The following ACOT12 variants were observed in gnomAD, a reference collection of about 807,000 sequenced individuals.
ACOT12 encodes acetyl-coenzyme A thioesterase.
ACOT12 carries 51 observed loss-of-function variants against 67.7 expected under a neutral mutation model. That is an observed-to-expected ratio of 0.75 (90% CI 0.60 to 0.95). The LOEUF (loss-of-function observed/expected upper bound fraction) is 0.95, where lower values mean the gene tolerates loss of function less well. Among genes scored for constraint, ACOT12 ranks in the 40% least tolerant of loss-of-function variants. ACOT12 has a pLI of 0.00. For missense variants in ACOT12, 734 were observed against 708.1 expected, an observed-to-expected ratio of 1.04 and a Z score of -0.41; for synonymous variants, 251 against 244.6, an observed-to-expected ratio of 1.03 and a Z score of -0.24.
chr5:81,386,424 G>T (rs539401844), intron 1 of ACOT12, among the ~76,000 whole-genome samples: 1 of 152,150 alleles, frequency 6.6e-6, no homozygotes, highest in East Asian at 1.9e-4. Flanking sequence ...TGAAGGAGGA[G>T]TATTGAGTAG....
intron 1 of ACOT12, among the ~76,000 whole-genome samples, chr5:81,386,994 CATTTTTTTT>C (rs1487908665): frequency 5.4e-5 from 7 of 128,480 alleles, no homozygotes; most frequent in African/African-American, 1.9e-4. Context: ...GGATGAGTTC[CATTTTTTTT>C]TTTTTTTTTT....
intron 5 of ACOT12, among the ~76,000 whole-genome samples, chr5:81,350,889 C>T (rs1367861746): frequency 6.6e-6 from 1 of 152,156 alleles, no homozygotes; most frequent in Admixed American, 6.6e-5. Context: ...CTGATCCAAC[C>T]TTCTCCCTCA....
rs191098789 is a variant in ACOT12 at position 81,346,039 on chromosome 5, G to T, written c.654-35C>A. ...CAAAGGGAGGGAGAGAGAAGAAAGC[G>T]ATCACACATTCATTCATCGAACAAA... On this transcript the variant is annotated intron_variant, in intron 6 of 14. Transcript: ENST00000307624. The T allele has an allele frequency of 4.1e-5, 66 of 1,605,528 alleles. No homozygotes were observed. In the Admixed American group the frequency reaches 1.1e-3, roughly 27 times the overall value.
the ACOT12 span, among the ~76,000 whole-genome samples, chr5:81,320,517 T>C: frequency 6.6e-5 from 10 of 152,174 alleles, no homozygotes; most frequent in Admixed American, 6.5e-4. Flanking sequence ...ACTGCTTGTA[T>C]GGTCAAATTG....
intron 2 of ACOT12, among the ~76,000 whole-genome samples, chr5:81,380,435 G>A (rs995284295): frequency 3.9e-5 from 6 of 151,910 alleles, no homozygotes; most frequent in African/African-American, 1.2e-4. Flanking sequence ...GTGGTGGCAC[G>A]TGCCTGTAAT....
At chr5:81,315,794 G>C in the ACOT12 span, among the ~76,000 whole-genome samples, 1 of 152,154 alleles carries the variant, frequency 6.6e-6, no homozygotes, top group Admixed American at 6.5e-5. Flanking sequence ...GGCCACATCA[G>C]GGCTATTCTG....
At chr5:81,367,092 A>G (rs561727272) in intron 3 of ACOT12, among the ~76,000 whole-genome samples, 3 of 152,344 alleles carry the variant, frequency 2.0e-5, no homozygotes, top group African/African-American at 7.2e-5. Flanking sequence ...CCAGGCTAGA[A>G]TTCTATACCT....
chr5:81,345,928 G>T lies in ACOT12; in HGVS notation c.730C>A (p.Arg244Ser). The change falls in exon 7 of 15, where the codon CGT (arginine) becomes AGT (serine). Residue 244 changes from arginine to serine, a missense_variant. Transcript: ENST00000307624. ...TTGACAATGGCAGTGAAGACAAGACGATCTCCAACTGTAGATGGTCCCCGG... is the reference window on the plus strand; with the variant it reads ...TTGACAATGGCAGTGAAGACAAGACTATCTCCAACTGTAGATGGTCCCCGG... The part of the protein sequence containing the change: ...KFRGPSTVGD[R>S]LVFTAIVNNT... The T allele has an allele frequency of 6.2e-7, 1 of 1,613,946 alleles. No individual in the cohort carries two copies. The highest frequency in any genetic ancestry group is 1.3e-5 in the African/African-American group (1 of 75,016).
At chr5:81,318,519 C>T in the ACOT12 span, among the ~76,000 whole-genome samples, 43 of 152,224 alleles carry the variant, frequency 2.8e-4, no homozygotes, top group African/African-American at 9.6e-4. Context: ...TTTCTCTTCT[C>T]TATTTTCCCT....
the ACOT12 span, chr5:81,308,641 G>T: frequency 1.6e-5 from 26 of 1,613,838 alleles, 1 homozygote; most frequent in Non-Finnish European, 2.2e-5. Context: ...TGGGCACTGG[G>T]ATATGTTACA....
intron 4 of ACOT12, among the ~76,000 whole-genome samples, chr5:81,362,188 G>C (rs1292467062): frequency 1.4e-5 from 2 of 144,350 alleles, no homozygotes; most frequent in Admixed American, 7.0e-5. Context: ...TTTTTGAGAC[G>C]GAGTTTTGCT....
chr5:81,338,477 C>T (rs1759079524), intron 11 of ACOT12, among the ~76,000 whole-genome samples: 1 of 152,166 alleles, frequency 6.6e-6, no homozygotes, highest in South Asian at 2.1e-4. Context: ...GTGCCTGCTT[C>T]CTCTTCACCT....
chr5:81,320,904 A>C, the ACOT12 span, among the ~76,000 whole-genome samples: 1 of 152,236 alleles, frequency 6.6e-6, no homozygotes, highest in Non-Finnish European at 1.5e-5. Flanking sequence ...TAAAAAGTCC[A>C]AGATCAAGGT....
chr5:81,357,107 T>C (rs1313075118), intron 5 of ACOT12, among the ~76,000 whole-genome samples: 1 of 152,118 alleles, frequency 6.6e-6, no homozygotes, highest in Non-Finnish European at 1.5e-5. Context: ...CATGCCTCCG[T>C]GCCTTCACCC....
At chr5:81,323,050 A>G in the ACOT12 span, among the ~76,000 whole-genome samples, 1 of 149,626 alleles carries the variant, frequency 6.7e-6, no homozygotes, top group Non-Finnish European at 1.5e-5. Context: ...ATGCAATTAT[A>G]CTGAGGAAGG....
At chr5:81,315,945 C>T in the ACOT12 span, among the ~76,000 whole-genome samples, 46 of 152,278 alleles carry the variant, frequency 3.0e-4, no homozygotes, top group African/African-American at 1.1e-3. Flanking sequence ...GTTTTTGTCC[C>T]ATCTCTCTGC....
At chr5:81,364,373 G>A (rs1760010791) in intron 3 of ACOT12, among the ~76,000 whole-genome samples, 1 of 151,484 alleles carries the variant, frequency 6.6e-6, no homozygotes, top group Middle Eastern at 3.4e-3. Context: ...ATACGTGTGT[G>A]TATATATGCA....
At chr5:81,316,399 A>G in the ACOT12 span, among the ~76,000 whole-genome samples, 2 of 152,170 alleles carry the variant, frequency 1.3e-5, no homozygotes, top group Non-Finnish European at 2.9e-5. Context: ...AAATGGAATC[A>G]TGCAATATGT....
chr5:81,379,329 A>AG (rs1760510404), intron 2 of ACOT12, among the ~76,000 whole-genome samples: 1 of 11,290 alleles, frequency 8.9e-5, no homozygotes, highest in African/African-American at 4.0e-4. Context: ...GGGGTCTGTC[A>AG]GGGGGTGGGG....
Sources: gnomAD v4.1 joint callset for allele counts (sites outside exome capture counted in the v4.1 genomes callset) on GRCh38, gnomAD v4.1.1 for gene constraint, MANE v1.5 for transcripts, NCBI Gene and HGNC (gene_info 2026-07-23, HGNC 2026-07-21) for gene names.